The following HGD variants were observed in gnomAD, a reference collection of about 807,000 sequenced individuals.
HGD encodes the protein homogentisate 1,2-dioxygenase, also known as homogentisate oxidase.
Under a neutral mutation model 60.8 loss-of-function variants are expected in HGD, and 61 were observed. That is an observed-to-expected ratio of 1.00 (90% CI 0.82 to 1.24). HGD has a LOEUF of 1.24. Ranked by LOEUF, HGD falls within the 50% of genes most tolerant of loss-of-function variation. The probability of loss-of-function intolerance (pLI) is 0.00; values close to 1 mark genes in which losing one functional copy is unlikely to be tolerated. For synonymous variants in HGD, 212 were observed against 187.7 expected (o/e 1.13, Z -1.06); for missense variants, 542 against 547.1 (o/e 0.99, Z 0.09).
intron 6 of HGD, among the ~76,000 whole-genome samples, chr3:120,649,372 TG>T (rs1941264910): frequency 6.6e-6 from 1 of 152,004 alleles, no homozygotes; most frequent in Admixed American, 6.6e-5. Flanking sequence ...CTCGAGCTCC[TG>T]ACCTCGTGAT....
chr3:120,632,549 G>T (rs756278350), intron 13 of HGD, among the ~76,000 whole-genome samples: 14 of 152,206 alleles, frequency 9.2e-5, no homozygotes, highest in Non-Finnish European at 2.1e-4. Context: ...AAACAGCTGA[G>T]AATTGCTTCT....
intron 8 of HGD, 110 bp from the exon 9 acceptor site, chr3:120,646,476 G>A (rs1401996968): frequency 2.6e-6 from 2 of 778,996 alleles, no homozygotes; most frequent in African/African-American, 1.7e-5. Context: ...GCTCTTGTTT[G>A]TTGAGCTGCT....
rs1194280787 is a variant in HGD, at chr3:120,641,634, G to C, written c.834C>G (p.Asn278Lys). The change falls in exon 11 of 14, where the codon AAC becomes AAG. Residue 278 changes from asparagine to lysine, a missense_variant. By Grantham distance (94) the Asn-to-Lys change is moderately conservative. This residue lies in a region of HGD where 537 missense variants were observed against 529.1 expected (regional missense o/e 1.01). Coordinates refer to ENST00000283871, the MANE Select transcript of HGD (RefSeq NM_000187.4). ...AGTTGATAACCATGAAATTCTTCAG[G>C]TTGTACTTGTAGGGTGTATAATTCC... ...WHGNYTPYKY[N>K]LKNFMVINSV... The C allele has an allele frequency of 2.5e-6, 4 of 1,613,916 alleles. No individual in the cohort carries two copies. The highest frequency in any genetic ancestry group is 2.5e-6 in the Non-Finnish European group (3 of 1,179,834).
chr3:120,643,942 A>C (rs1345755308), intron 10 of HGD, among the ~76,000 whole-genome samples: 1 of 152,194 alleles, frequency 6.6e-6, no homozygotes, highest in Non-Finnish European at 1.5e-5. Flanking sequence ...CTGATCTGTT[A>C]ACTCATTTAC....
At chr3:120,677,004 C>G (rs1476177815) in intron 1 of HGD, among the ~76,000 whole-genome samples, 1 of 152,296 alleles carries the variant, frequency 6.6e-6, no homozygotes, top group East Asian at 1.9e-4. Flanking sequence ...ACTGCAATCT[C>G]TAAACATAAA....
Position 120,674,919 on chromosome 3 carries a change from C to T in HGD, c.158G>A (p.Arg53Gln), listed in dbSNP as rs200808744. Residue 53 changes from arginine (R) to glutamine (Q), a missense_variant, in exon 3 of 14, where the codon CGG becomes CAG. Physicochemically the swap from Arg to Gln is conservative, Grantham distance 43. Coordinates refer to ENST00000283871, the MANE Select transcript of HGD (RefSeq NM_000187.4). ...QLSGSAFTCPRSTNKRSWLYR... is the reference protein window; with the variant it reads ...QLSGSAFTCPQSTNKRSWLYR... ...CTTGTACCTTCTCTTATTGGTGCTC[C>T]GTGGACAAGTGAAAGCCGATCCTGA... is the stretch of plus-strand genomic sequence containing the variant. The T allele has an allele frequency of 3.1e-5, 50 of 1,609,398 alleles. No individual in the cohort carries two copies. Among genetic ancestry groups the T allele is most frequent in the South Asian group, 5.5e-5 (5 of 91,024 alleles).
intron 8 of HGD, 131 bp downstream of exon 8, chr3:120,646,842 A>G: frequency 3.8e-6 from 3 of 794,132 alleles, no homozygotes; most frequent in Non-Finnish European, 6.7e-6. Context: ...AACCTTCTGC[A>G]TAACTCAGAT....
chr3:120,644,219 C>A, intron 10 of HGD, 100 bp downstream of exon 10: 1 of 1,398,946 alleles, frequency 7.1e-7, no homozygotes, highest in Non-Finnish European at 1.0e-6. Context: ...ATGATAACAA[C>A]GAAAGGATAT....
intron 12 of HGD, 111 bp from the exon 13 acceptor site, chr3:120,633,439 A>G (rs1389748114): frequency 2.5e-6 from 4 of 1,594,886 alleles, no homozygotes; most frequent in Non-Finnish European, 3.4e-6. Context: ...AGAAACTAGT[A>G]AATTGTATAG....
chr3:120,664,299 G>A (rs1489310141), intron 4 of HGD, among the ~76,000 whole-genome samples: 3 of 152,058 alleles, frequency 2.0e-5, no homozygotes, highest in African/African-American at 7.2e-5. Flanking sequence ...GGAAAAAGGG[G>A]ATTTTAAAAA....
Position 120,647,063 on chromosome 3 carries a change from AAGAC to A in HGD, c.470-15_470-12del. The A allele has an allele frequency of 6.2e-7, 1 of 1,610,482 alleles. No homozygotes were observed. The highest frequency in any genetic ancestry group is 8.5e-7 in the Non-Finnish European group (1 of 1,176,648). ...TCCCTTTCTGCGGAACTGACAAAAAAAGACAGGGCAGTGGTGAGCAATTCTTTTG... is the reference window on the plus strand; with the variant it reads ...TCCCTTTCTGCGGAACTGACAAAAAAAGGGCAGTGGTGAGCAATTCTTTTG... On this transcript the variant is annotated splice_polypyrimidine_tract_variant and intron_variant, in intron 7 of 13. Transcript: ENST00000283871.
intron 3 of HGD, among the ~76,000 whole-genome samples, chr3:120,674,053 C>A (rs1708077317): frequency 6.6e-6 from 1 of 152,140 alleles, no homozygotes; most frequent in Admixed American, 6.6e-5. Context: ...TAGTTTTTTA[C>A]TTACTATCTC....
intron 13 of HGD, among the ~76,000 whole-genome samples, chr3:120,628,924 A>G (rs1352587046): frequency 6.6e-6 from 1 of 152,200 alleles, no homozygotes; most frequent in African/African-American, 2.4e-5. Context: ...GAGGAAAGTC[A>G]TACTTCCCAT....
At chr3:120,662,040 AT>A (rs1043546148) in intron 4 of HGD, among the ~76,000 whole-genome samples, 1 of 152,166 alleles carries the variant, frequency 6.6e-6, no homozygotes, top group African/African-American at 2.4e-5. Context: ...ATGGGTGAGT[AT>A]TTGTGATGGA....
At chr3:120,646,580 C>T (rs1271546896) in intron 8 of HGD, among the ~76,000 whole-genome samples, 4 of 151,850 alleles carry the variant, frequency 2.6e-5, no homozygotes, top group Non-Finnish European at 4.4e-5. Flanking sequence ...TTCCTAATCA[C>T]ACATGTGACC....
Position 120,665,434 on chromosome 3 carries a change from T to C in HGD, c.282+4993A>G, listed in dbSNP as rs149121563. The stretch of plus-strand genomic sequence containing the variant: ...AAGAGAAGTGCTAATTCAGGAATTC[T>C]AGCTGAAATCTGTAAAATCATGGTT... On this transcript the variant is annotated intron_variant, in intron 4 of 13. Transcript: ENST00000283871. Among the ~76,000 whole-genome samples, 653 of 152,364 alleles carry C rather than the reference T, an allele frequency of 4.3e-3. 3 individuals are homozygous for C. The highest frequency in any genetic ancestry group is 0.015 in the African/African-American group (632 of 41,594).
At chr3:120,665,258 T>C (rs1707872489) in intron 4 of HGD, among the ~76,000 whole-genome samples, 1 of 152,252 alleles carries the variant, frequency 6.6e-6, no homozygotes, top group South Asian at 2.1e-4. Flanking sequence ...TAATTAGCTT[T>C]GAGGTATTTC....
At chr3:120,665,540 T>A (rs557204482) in intron 4 of HGD, among the ~76,000 whole-genome samples, 1 of 152,252 alleles carries the variant, frequency 6.6e-6, no homozygotes, top group Non-Finnish European at 1.5e-5. Context: ...ATACTTCTTA[T>A]GTGAGGTATT....
chr3:120,646,816 A>T (rs1369080569), intron 8 of HGD, among the ~76,000 whole-genome samples, 157 bp downstream of exon 8: 1 of 152,134 alleles, frequency 6.6e-6, no homozygotes. Context: ...AAGCTTGCTT[A>T]CTCTTCAGCA....
Sources: allele counts gnomAD v4.1 joint callset (sites outside exome capture counted in the v4.1 genomes callset), GRCh38; gene constraint gnomAD v4.1.1; regional missense constraint gnomAD v4.1.1; transcripts MANE v1.5; gene names NCBI Gene and HGNC (gene_info 2026-07-23, HGNC 2026-07-21).